RBFOX1: variants seen among roughly 807,000 people sequenced by gnomAD.
RBFOX1 encodes the protein RNA binding protein fox-1 homolog 1.
Under a neutral mutation model 57.7 loss-of-function variants are expected in RBFOX1, and 8 were observed. The observed-to-expected ratio is 0.14, with a 90% CI of 0.08 to 0.25. RBFOX1 has a LOEUF of 0.25. RBFOX1 is among the 10% of genes least tolerant of loss of function. RBFOX1 has a pLI of 1.00. For missense variants in RBFOX1, 611 were observed against 548.5 expected (o/e 1.11, Z -1.14); for synonymous variants, 326 against 222.4 (o/e 1.47, Z -4.15).
chr16:5,258,411 G>A (rs528646091), intron 1 of RBFOX1, among the ~76,000 whole-genome samples: 11 of 133,592 alleles, frequency 8.2e-5, no homozygotes, highest in Admixed American at 6.0e-4. Flanking sequence ...AAACATGAGG[G>A]CATTTTTTAT....
chr16:7,389,083 C>G (rs566616138), intron 4 of RBFOX1, among the ~76,000 whole-genome samples: 3 of 152,184 alleles, frequency 2.0e-5, no homozygotes, highest in East Asian at 1.9e-4. Context: ...CAGCACCATT[C>G]TTTAATAAAT....
intron 4 of RBFOX1, among the ~76,000 whole-genome samples, chr16:5,902,476 C>G (rs1445570969): frequency 1.3e-5 from 2 of 152,050 alleles, no homozygotes; most frequent in East Asian, 1.9e-4. Context: ...CGTAGTGATG[C>G]CATCTTGGCT....
chr16:5,860,834 A>G (rs112721586), intron 3 of RBFOX1, among the ~76,000 whole-genome samples: 37 of 152,302 alleles, frequency 2.4e-4, no homozygotes, highest in African/African-American at 8.7e-4. Flanking sequence ...AGGCCAGCAA[A>G]AAGAGGCCCT....
chr16:7,303,989 T>A (rs2096102752), intron 4 of RBFOX1, among the ~76,000 whole-genome samples: 1 of 151,700 alleles, frequency 6.6e-6, no homozygotes, highest in Non-Finnish European at 1.5e-5. Flanking sequence ...GGGGGCCCCT[T>A]CCACTTTCCG....
intron 3 of RBFOX1, among the ~76,000 whole-genome samples, chr16:5,786,312 C>T (rs2054498667): frequency 6.6e-6 from 1 of 152,120 alleles, no homozygotes; most frequent in Admixed American, 6.5e-5. Flanking sequence ...GAACCTCTGA[C>T]CTCCCAAGTC....
chr16:7,136,096 G>A (rs1364896294), intron 4 of RBFOX1, among the ~76,000 whole-genome samples: 1 of 152,190 alleles, frequency 6.6e-6, no homozygotes, highest in Non-Finnish European at 1.5e-5. Flanking sequence ...CACCTTGCAG[G>A]CAAGAATGTC....
In RBFOX1 at chr16:7,332,941, T is replaced by C. The variant is rs1195284724; in HGVS notation, c.28-185206T>C. ...TTCGGAAGAAGTTGGGTCTATAGAT[T>C]TCCCCCTAACTCTCCATTGATGTGT... On this transcript the variant is annotated intron_variant, in intron 4 of 15. Coordinates refer to ENST00000550418, the MANE Select transcript of RBFOX1 (RefSeq NM_018723.4). 7 of 1,610,648 alleles carry C rather than the reference T, an allele frequency of 4.3e-6. No homozygotes were observed. In the East Asian group the frequency reaches 1.6e-4, roughly 36 times the overall value.
At chr16:6,542,748 C>T (rs1198441528) in intron 2 of RBFOX1, among the ~76,000 whole-genome samples, 1 of 151,378 alleles carries the variant, frequency 6.6e-6, no homozygotes, top group East Asian at 2.0e-4. Context: ...TGCCTCGGCC[C>T]CCAGAAGTGC....
At chr16:5,412,619 C>T (rs1056144136) in intron 1 of RBFOX1, among the ~76,000 whole-genome samples, 11 of 152,150 alleles carry the variant, frequency 7.2e-5, no homozygotes, top group African/African-American at 1.9e-4. Context: ...TGGTCAGATG[C>T]GAGAACTCAC....
At chr16:7,598,689 A>G (rs769385528) in intron 9 of RBFOX1, among the ~76,000 whole-genome samples, 2 of 152,166 alleles carry the variant, frequency 1.3e-5, no homozygotes, top group Non-Finnish European at 2.9e-5. Flanking sequence ...ATAGTGTTGT[A>G]TACATTTTTA....
intron 1 of RBFOX1, among the ~76,000 whole-genome samples, chr16:6,214,698 G>A (rs1160171062): frequency 1.8e-5 from 2 of 113,320 alleles, no homozygotes; most frequent in Admixed American, 8.8e-5. Flanking sequence ...AGAAGGAAAG[G>A]GGGAGAGGGA....
chr16:7,319,032 G>T (rs930503838), intron 4 of RBFOX1, among the ~76,000 whole-genome samples: 2 of 152,182 alleles, frequency 1.3e-5, no homozygotes, highest in Non-Finnish European at 2.9e-5. Context: ...GTAAGTTTTA[G>T]ATGGTTAAGG....
intron 1 of RBFOX1, among the ~76,000 whole-genome samples, chr16:5,424,269 C>G (rs1457225354): frequency 1.3e-5 from 2 of 152,182 alleles, no homozygotes; most frequent in African/African-American, 4.8e-5. Context: ...TAATTTTGAT[C>G]AAAATCGTGT....
At chr16:6,788,764 C>A (rs751193326) in intron 3 of RBFOX1, among the ~76,000 whole-genome samples, 1 of 151,776 alleles carries the variant, frequency 6.6e-6, no homozygotes, top group Non-Finnish European at 1.5e-5. Flanking sequence ...TGTGAGCGAC[C>A]GTGCCCGGCC....
At chr16:7,166,344 C>A (rs2079507584) in intron 4 of RBFOX1, among the ~76,000 whole-genome samples, 1 of 152,072 alleles carries the variant, frequency 6.6e-6, no homozygotes, top group Non-Finnish European at 1.5e-5. Flanking sequence ...AAGAAAATTC[C>A]CAAATCAGCA....
At chr16:6,400,236 A>T (rs915871025) in intron 2 of RBFOX1, among the ~76,000 whole-genome samples, 10 of 151,864 alleles carry the variant, frequency 6.6e-5, no homozygotes, top group African/African-American at 1.9e-4. Context: ...AAATTTTTGA[A>T]ATATTGTTAA....
intron 3 of RBFOX1, among the ~76,000 whole-genome samples, chr16:5,655,640 T>C (rs147339694): frequency 6.6e-6 from 1 of 152,328 alleles, no homozygotes; most frequent in East Asian, 1.9e-4. Context: ...TGTGTGTCTT[T>C]GTTCAAGCTT....
At chr16:7,196,612 C>G (rs959177779) in intron 4 of RBFOX1, among the ~76,000 whole-genome samples, 2 of 152,152 alleles carry the variant, frequency 1.3e-5, no homozygotes, top group Non-Finnish European at 1.5e-5. Context: ...TAGAGGAAAC[C>G]AGGGTCAATG....
intron 2 of RBFOX1, among the ~76,000 whole-genome samples, chr16:6,366,846 C>G (rs1311998566): frequency 2.0e-5 from 3 of 152,180 alleles, no homozygotes; most frequent in Non-Finnish European, 2.9e-5. Context: ...TTGTGCTTTT[C>G]TGTCTCATGA....
Sources: gnomAD v4.1 joint callset for allele counts (sites outside exome capture counted in the v4.1 genomes callset) on GRCh38, gnomAD v4.1.1 for gene constraint, MANE v1.5 for transcripts, NCBI Gene and HGNC (gene_info 2026-07-23, HGNC 2026-07-21) for gene names.